GPR137B: variants seen among roughly 807,000 people sequenced by gnomAD.
The protein encoded by GPR137B is integral membrane protein GPR137B.
A neutral mutation model predicts 42.5 loss-of-function variants in GPR137B; 42 were observed. That is an observed-to-expected ratio of 0.99 (90% confidence interval 0.77 to 1.28). The LOEUF (loss-of-function observed/expected upper bound fraction) is 1.28, where lower values mean the gene tolerates loss of function less well. GPR137B is among the 50% of genes most tolerant of loss of function. The pLI is 0.00. For missense variants in GPR137B, 487 were observed against 493.9 expected, an observed-to-expected ratio of 0.99 and a Z score of 0.13; for synonymous variants, 218 against 209.7, an observed-to-expected ratio of 1.04 and a Z score of -0.34.
chr1:236,145,634 G>A (rs1203664663), intron 1 of GPR137B, among the ~76,000 whole-genome samples: 1 of 152,138 alleles, frequency 6.6e-6, no homozygotes, highest in African/African-American at 2.4e-5. Flanking sequence ...TGGGATTACA[G>A]GTGTGAGCCA....
intron 1 of GPR137B, among the ~76,000 whole-genome samples, chr1:236,148,344 G>A (rs144656374): frequency 0.014 from 2,106 of 152,260 alleles, 21 homozygotes; most frequent in Non-Finnish European, 0.018. Context: ...GTGACACCTC[G>A]GCAGCCACGT....
chr1:236,207,390 A>C (rs1254204), intron 6 of GPR137B: 186,639 of 472,458 alleles, frequency 0.4, 39,571 homozygotes, highest in East Asian at 0.84. Flanking sequence ...GTTCTTTTCC[A>C]GTTACCCCAC....
intron 3 of GPR137B, 149 bp downstream of exon 3, chr1:236,178,785 G>GATTTTTTTTTTTTTTTT (rs1662771288): frequency 2.1e-5 from 1 of 48,310 alleles, no homozygotes. Flanking sequence ...GCTACTCGAG[G>GATTTTTTTTTTTTTTTT]TTTTTTTTTT....
intron 5 of GPR137B, among the ~76,000 whole-genome samples, chr1:236,198,136 T>A (rs1240251904): frequency 1.3e-5 from 2 of 152,216 alleles, no homozygotes; most frequent in Non-Finnish European, 2.9e-5. Context: ...TTAGTCTTGC[T>A]TTGGCTATGC....
intron 2 of GPR137B, among the ~76,000 whole-genome samples, chr1:236,169,833 A>G (rs886252879): frequency 1.3e-5 from 2 of 152,066 alleles, no homozygotes; most frequent in South Asian, 2.1e-4. Context: ...TGAGGTCAGG[A>G]GTTCGAGACC....
chr1:236,207,000 A>T, intron 6 of GPR137B: 1 of 233,680 alleles, frequency 4.3e-6, no homozygotes, highest in Non-Finnish European at 6.9e-6. Flanking sequence ...CTTAGCATTA[A>T]CAACTTTACA....
At chr1:236,191,721 C>T (rs1023220410) in intron 5 of GPR137B, among the ~76,000 whole-genome samples, 19 of 152,302 alleles carry the variant, frequency 1.2e-4, no homozygotes, top group African/African-American at 4.6e-4. Flanking sequence ...GGGGCACCTG[C>T]CAGATGCCAG....
intron 2 of GPR137B, among the ~76,000 whole-genome samples, chr1:236,178,120 G>T (rs993718388): frequency 6.6e-6 from 1 of 152,070 alleles, no homozygotes; most frequent in Non-Finnish European, 1.5e-5. Context: ...TCCACTCTTC[G>T]CTGTGAGTAG....
chr1:236,187,406 A>G (rs540473093), intron 5 of GPR137B, among the ~76,000 whole-genome samples: 97 of 152,290 alleles, frequency 6.4e-4, no homozygotes, highest in Non-Finnish European at 1.2e-3. Flanking sequence ...GTCTTTGCCC[A>G]TGCCTATGTC....
intron 5 of GPR137B, among the ~76,000 whole-genome samples, chr1:236,202,792 T>A (rs919220858): frequency 2.0e-5 from 3 of 152,216 alleles, no homozygotes; most frequent in African/African-American, 7.2e-5. Flanking sequence ...CCCAGACCCA[T>A]GTCTTGGCGA....
chr1:236,185,754 A>T (rs1325917865), intron 5 of GPR137B, among the ~76,000 whole-genome samples: 1 of 152,166 alleles, frequency 6.6e-6, no homozygotes, highest in Non-Finnish European at 1.5e-5. Flanking sequence ...TTTGTCTTTT[A>T]AAAACAGCTT....
chr1:236,155,018 A>G lies in GPR137B; in HGVS notation c.414+11982A>G, dbSNP rs1661978196. ...AGTTAAGAAACATAACAGTGATGGT[A>G]GGGCCTTGTGTGGCCACAGCCCTTG... On this transcript the variant is annotated intron_variant, in intron 1 of 6. Coordinates refer to ENST00000366592, the MANE Select transcript of GPR137B (RefSeq NM_003272.4). The surrounding 1 kb of genome is among the most constrained non-coding windows in gnomAD (Gnocchi z 4.6). Among the ~76,000 whole-genome samples, 1 of 152,246 alleles carries G rather than the reference A, an allele frequency of 6.6e-6. No individual in the cohort carries two copies. Among genetic ancestry groups the G allele is most frequent in the Admixed American group, 6.5e-5 (1 of 15,294 alleles).
chr1:236,169,441 A>G (rs903080799), intron 2 of GPR137B, among the ~76,000 whole-genome samples: 5 of 152,242 alleles, frequency 3.3e-5, no homozygotes, highest in African/African-American at 1.2e-4. Context: ...TTCAGTGCTC[A>G]TTTAGGCACC....
chr1:236,178,366 A>G, intron 2 of GPR137B, 48 bp from the exon 3 acceptor site: 3 of 1,125,192 alleles, frequency 2.7e-6, no homozygotes, highest in East Asian at 2.3e-5. Flanking sequence ...GTGTCCTTCT[A>G]GACTGACCTG....
At chr1:236,152,410 T>C (rs1442569259) in intron 1 of GPR137B, among the ~76,000 whole-genome samples, 1 of 151,826 alleles carries the variant, frequency 6.6e-6, no homozygotes, top group Non-Finnish European at 1.5e-5. Flanking sequence ...TGCAGTGAGC[T>C]GAGATCGCAC....
At chr1:236,177,096 T>C (rs887829345) in intron 2 of GPR137B, among the ~76,000 whole-genome samples, 3 of 152,154 alleles carry the variant, frequency 2.0e-5, no homozygotes, top group Non-Finnish European at 4.4e-5. Flanking sequence ...AGTTCTTTGG[T>C]AGAACTGGGT....
chr1:236,159,331 CAGAA>C (rs1320419485), intron 1 of GPR137B, among the ~76,000 whole-genome samples: 1 of 151,716 alleles, frequency 6.6e-6, no homozygotes, highest in Non-Finnish European at 1.5e-5. Context: ...AACAAACAAA[CAGAA>C]AGATTGTAAG....
intron 6 of GPR137B, 138 bp downstream of exon 6, chr1:236,205,388 C>T: frequency 1.5e-6 from 1 of 676,864 alleles, no homozygotes; most frequent in Non-Finnish European, 2.5e-6. Flanking sequence ...CTCAGTAGAT[C>T]ATTTTACTTA....
At chr1:236,164,915 AG>A (rs1662307344) in intron 1 of GPR137B, among the ~76,000 whole-genome samples, 1 of 150,354 alleles carries the variant, frequency 6.7e-6, no homozygotes, top group Non-Finnish European at 1.5e-5. Context: ...AGAGAGAGAG[AG>A]AGAGATGGAT....
Sources: gnomAD v4.1 joint callset for allele counts (sites outside exome capture counted in the v4.1 genomes callset) on GRCh38, gnomAD v4.1.1 for gene constraint, Gnocchi (gnomAD v3.1) non-coding constraint, MANE v1.5 for transcripts, NCBI Gene and HGNC (gene_info 2026-07-23, HGNC 2026-07-21) for gene names.